Variants in WDR36 observed in about 807,000 individuals in gnomAD.
WDR36 encodes the protein WD repeat-containing protein 36.
A neutral mutation model predicts 112.7 loss-of-function variants in WDR36; 63 were observed. The observed-to-expected ratio is 0.56, with a 90% CI of 0.46 to 0.69. The LOEUF (loss-of-function observed/expected upper bound fraction) is 0.69. WDR36 is among the 30% of genes least tolerant of loss of function. The pLI is 0.00. For synonymous variants in WDR36, 410 were observed against 362.2 expected, an observed-to-expected ratio of 1.13 and a Z score of -1.50; for missense variants, 1,226 against 1,070.3, an observed-to-expected ratio of 1.15 and a Z score of -2.03.
At chr5:111,120,340 T>G (rs945256467) in intron 17 of WDR36, among the ~76,000 whole-genome samples, 156 bp from the exon 18 acceptor site, 1 of 152,210 alleles carries the variant, frequency 6.6e-6, no homozygotes, top group Non-Finnish European at 1.5e-5. Context: ...ATGGCATCTA[T>G]GACATAAGTC....
intron 21 of WDR36, among the ~76,000 whole-genome samples, chr5:111,125,151 T>C (rs1260119104): frequency 2.6e-5 from 4 of 152,206 alleles, no homozygotes; most frequent in African/African-American, 7.2e-5. Flanking sequence ...GTTAGTAATA[T>C]AGTTCCTAAT....
chr5:111,097,174 A>C lies in WDR36; in HGVS notation c.286A>C (p.Lys96Gln). 1 of 1,612,364 alleles carries C rather than the reference A, an allele frequency of 6.2e-7. No homozygotes were observed. The highest frequency in any genetic ancestry group is 8.5e-7 in the Non-Finnish European group (1 of 1,178,720). ...TGTTTTCTCTGCATTTGCCCGTAAT[A>C]AAGAGGTTGGTATCGCTAAACTACT... ...GNVFSAFARN[K>Q]EIVHTFKGHK... Residue 96 changes from lysine (K) to glutamine (Q), a missense_variant, in exon 3 of 23, where the codon AAA (lysine) becomes CAA (glutamine). By Grantham distance (53) the Lys-to-Gln change is moderately conservative. Transcript: ENST00000513710.
At chr5:111,124,329 A>T (rs111582066) in intron 21 of WDR36, 140 bp downstream of exon 21, 5 of 694,268 alleles carry the variant, frequency 7.2e-6, no homozygotes. Flanking sequence ...TTTTAATTTG[A>T]CGTAATTTTA....
Position 111,107,307 on chromosome 5 carries a change from A to G in WDR36, c.1194A>G (p.Glu398=), listed in dbSNP as rs776894794. The change falls in exon 12 of 23, where the codon GAA becomes GAG. Residue 398 remains glutamate, a synonymous_variant. Transcript: ENST00000513710. ...ATTACGTTTTAGAGGAAGCTCGTGA[A>G]AGTGACTGGGATGGTATCATTGCTT... is the stretch of plus-strand genomic sequence containing the variant. ...ITKFAAEEAR[E]SDWDGIIACH... is the part of the protein sequence containing the mutation. The G allele has an allele frequency of 6.2e-7, 1 of 1,610,084 alleles. No individual in the cohort carries two copies. The highest frequency in any genetic ancestry group is 8.5e-7 in the Non-Finnish European group (1 of 1,177,444).
chr5:111,105,065 G>A (rs1034956824), intron 9 of WDR36, among the ~76,000 whole-genome samples: 1 of 151,530 alleles, frequency 6.6e-6, no homozygotes, highest in Non-Finnish European at 1.5e-5. Flanking sequence ...AATTCTGTTA[G>A]TCTGCTGAAA....
intron 18 of WDR36, 102 bp from the exon 19 acceptor site, chr5:111,120,894 T>C: frequency 9.8e-7 from 1 of 1,021,032 alleles, no homozygotes; most frequent in Non-Finnish European, 1.5e-6. Flanking sequence ...TCTACAAGGC[T>C]GCATTAAATG....
chr5:111,103,967 A>G lies in WDR36; in HGVS notation c.730+49A>G. 3.1e-6 allele frequency: 5 copies of G among 1,603,386 alleles called. No homozygotes were observed. In the South Asian group the frequency reaches 4.5e-5, roughly 14 times the overall value. On this transcript the variant is annotated intron_variant, in intron 7 of 22. Transcript: ENST00000513710. ...TAGGAGTTAAGAACACTTAAAATTCATTACTTTAAAAGTCAATTTTTTTTG... is the reference window on the plus strand; with the variant it reads ...TAGGAGTTAAGAACACTTAAAATTCGTTACTTTAAAAGTCAATTTTTTTTG...
intron 12 of WDR36, among the ~76,000 whole-genome samples, chr5:111,107,774 T>C (rs1042029061): frequency 6.6e-6 from 1 of 151,366 alleles, no homozygotes; most frequent in Non-Finnish European, 1.5e-5. Context: ...TTGTTTCCTC[T>C]GCTGAAAGTC....
At chr5:111,099,556 T>A (rs1384014992) in intron 4 of WDR36, among the ~76,000 whole-genome samples, 2 of 151,202 alleles carry the variant, frequency 1.3e-5, no homozygotes, top group East Asian at 3.9e-4. Flanking sequence ...AACCCTTTTC[T>A]TGTTTTGTTT....
chr5:111,093,070 G>A (rs888277783), intron 1 of WDR36, among the ~76,000 whole-genome samples: 2 of 152,190 alleles, frequency 1.3e-5, no homozygotes, highest in Admixed American at 6.5e-5. Context: ...TTACCGTTAG[G>A]GAAAATATCT....
intron 6 of WDR36, among the ~76,000 whole-genome samples, 184 bp from the exon 7 acceptor site, chr5:111,103,601 TA>T (rs1291709406): frequency 4.0e-5 from 6 of 151,768 alleles, no homozygotes; most frequent in Non-Finnish European, 8.9e-5. Flanking sequence ...GAAAAATCAT[TA>T]CTGAATACTT....
chr5:111,123,969 G>C (rs750607098), intron 20 of WDR36, 45 bp downstream of exon 20: 3 of 1,612,054 alleles, frequency 1.9e-6, no homozygotes, highest in Admixed American at 1.7e-5. Flanking sequence ...GTGTATGTTT[G>C]TATGTGTTTT....
chr5:111,110,037 A>G (rs1017464649), intron 12 of WDR36, 152 bp from the exon 13 acceptor site: 2 of 644,900 alleles, frequency 3.1e-6, no homozygotes, highest in Admixed American at 2.5e-5. Context: ...CCCAAATATA[A>G]TTACTTTATG....
rs1306613722 is a variant in WDR36, at chr5:111,127,017, A to G, written c.*134A>G. ...GACTAGTCAGTATATCTCCACTTTA[A>G]ATGCTAAATACTTTCTTGAAATAAA... On this transcript the variant is annotated 3_prime_UTR_variant, in exon 23 of 23. Transcript: ENST00000513710. 2.5e-5 allele frequency: 21 copies of G among 828,974 alleles called. No individual in the cohort carries two copies. Among genetic ancestry groups the G allele is most frequent in the Non-Finnish European group, 1.5e-5 (8 of 549,758 alleles). The allele number at this position is 828,974 out of a possible 1,614,324, so 51.4% of individuals were successfully genotyped here.
At chr5:111,122,180 C>G (rs183434945) in intron 19 of WDR36, among the ~76,000 whole-genome samples, 1 of 152,180 alleles carries the variant, frequency 6.6e-6, no homozygotes, top group East Asian at 1.9e-4. Context: ...CACACATCAG[C>G]TTTAAAGGGA....
intron 15 of WDR36, 26 bp downstream of exon 15, chr5:111,111,304 C>G (rs772965404): frequency 3.2e-5 from 50 of 1,575,826 alleles, no homozygotes; most frequent in Middle Eastern, 3.3e-4. Context: ...ACTAATAAAA[C>G]TTGACTCATT....
rs1206342407 is a variant in WDR36 at position 111,130,119 on chromosome 5, T to A, written c.*3236T>A. On this transcript the variant is annotated 3_prime_UTR_variant, in exon 23 of 23. Transcript: ENST00000513710. ...GAGCACATCTCTTGAAGTTTTGATATGGGTTGCACAACATTTATAGGACTG... is the reference window on the plus strand; with the variant it reads ...GAGCACATCTCTTGAAGTTTTGATAAGGGTTGCACAACATTTATAGGACTG... 1 of 209,322 alleles carries A rather than the reference T, an allele frequency of 4.8e-6. No individual in the cohort carries two copies. Among genetic ancestry groups the A allele is most frequent in the African/African-American group, 2.3e-5 (1 of 43,988 alleles). The allele number at this position is 209,322 out of a possible 1,614,324, so 13.0% of individuals were successfully genotyped here.
chr5:111,118,322 C>T (rs1396317496), intron 16 of WDR36, among the ~76,000 whole-genome samples: 3 of 152,134 alleles, frequency 2.0e-5, no homozygotes, highest in Non-Finnish European at 4.4e-5. Context: ...TTGTAAAGCT[C>T]CTCTCAAACA....
In WDR36 at chr5:111,097,198, C is replaced by T; in HGVS notation, c.291+19C>T. 6.4e-7 allele frequency: 1 copy of T among 1,564,318 alleles called. No homozygotes were observed. Among genetic ancestry groups the T allele is most frequent in the East Asian group, 2.2e-5 (1 of 44,540 alleles). ...TAAAGAGGTTGGTATCGCTAAACTACTTGTTTGTCAGTCAGTATTTGTTTG... is the reference window on the plus strand; with the variant it reads ...TAAAGAGGTTGGTATCGCTAAACTATTTGTTTGTCAGTCAGTATTTGTTTG... On this transcript the variant is annotated intron_variant, in intron 3 of 22. Coordinates refer to ENST00000513710, the MANE Select transcript of WDR36 (RefSeq NM_139281.3).
Sources: allele counts gnomAD v4.1 joint callset (sites outside exome capture counted in the v4.1 genomes callset), GRCh38; gene constraint gnomAD v4.1.1; transcripts MANE v1.5; gene names NCBI Gene and HGNC (gene_info 2026-07-23, HGNC 2026-07-21).